SLC14A2: variants seen among roughly 807,000 people sequenced by gnomAD.
SLC14A2 encodes the protein solute carrier family 14 member 2.
SLC14A2 carries 91 observed loss-of-function variants against 104.6 expected under a neutral mutation model. The observed-to-expected ratio is 0.87, with a 90% CI of 0.73 to 1.04. The LOEUF (loss-of-function observed/expected upper bound fraction) is 1.04. Ranked by LOEUF, SLC14A2 falls within the 50% of genes least tolerant of loss-of-function variation. SLC14A2 has a pLI of 0.00. For missense variants in SLC14A2, 1,189 were observed against 1,156.0 expected (o/e 1.03, Z -0.41); for synonymous variants, 476 against 466.4 (o/e 1.02, Z -0.27).
chr18:45,448,767 C>T (rs1326445555), intron 1 of SLC14A2, among the ~76,000 whole-genome samples: 1 of 152,194 alleles, frequency 6.6e-6, no homozygotes, highest in African/African-American at 2.4e-5. Flanking sequence ...TAACTCCACT[C>T]CATGAAGAGA....
At chr18:45,517,687 G>A (rs551397227) in intron 2 of SLC14A2, among the ~76,000 whole-genome samples, 22 of 152,234 alleles carry the variant, frequency 1.4e-4, no homozygotes, top group Non-Finnish European at 3.1e-4. Context: ...TGTAAATCTT[G>A]GAACTCGAGG....
At chr18:45,314,251 G>A (rs1049428956) in intron 1 of SLC14A2, among the ~76,000 whole-genome samples, 1 of 152,042 alleles carries the variant, frequency 6.6e-6, no homozygotes, top group Non-Finnish European at 1.5e-5. Flanking sequence ...TAAAGCATAG[G>A]GTAGAGCAAC....
intron 1 of SLC14A2, among the ~76,000 whole-genome samples, chr18:45,344,870 C>A (rs985192502): frequency 6.6e-6 from 1 of 152,130 alleles, no homozygotes; most frequent in Non-Finnish European, 1.5e-5. Flanking sequence ...TTGATTGTTG[C>A]CCAGATATTT....
intron 1 of SLC14A2, among the ~76,000 whole-genome samples, chr18:45,275,240 C>CT (rs757993725): frequency 6.6e-6 from 1 of 152,132 alleles, no homozygotes; most frequent in Non-Finnish European, 1.5e-5. Flanking sequence ...GGAACAAATA[C>CT]TTCAAAATTT....
At position 45,669,434 on chromosome 18, in the gene SLC14A2, C is replaced by A. The variant is rs1460221126; in HGVS notation, c.2165C>A (p.Thr722Lys). The A allele has an allele frequency of 6.2e-7, 1 of 1,614,186 alleles. No individual in the cohort carries two copies. Among genetic ancestry groups the A allele is most frequent in the Non-Finnish European group, 8.5e-7 (1 of 1,180,016 alleles). ...GGCCACTACAACCTTTTCTTCCCCA[C>A]AACGCTGCTGCAGCCTGCATCCGCC... ...ATGHYNLFFP[T>K]TLLQPASAMP... Residue 722 changes from threonine to lysine, a missense_variant, in exon 16 of 20, where the codon ACA becomes AAA. Physicochemically the swap from Thr to Lys is moderately conservative, Grantham distance 78 (BLOSUM62 -1). Transcript: ENST00000255226.
chr18:45,207,604 T>C, the SLC14A2 span, among the ~76,000 whole-genome samples: 3 of 152,304 alleles, frequency 2.0e-5, no homozygotes, highest in East Asian at 5.8e-4. Flanking sequence ...TTAACTGGGT[T>C]GCTAACAACA....
chr18:45,460,156 C>T (rs986999973), intron 1 of SLC14A2, among the ~76,000 whole-genome samples: 1 of 152,160 alleles, frequency 6.6e-6, no homozygotes, highest in Non-Finnish European at 1.5e-5. Context: ...AGCATATTCC[C>T]ACCTGAAAGG....
chr18:45,553,845 T>C (rs2044089716), intron 2 of SLC14A2, among the ~76,000 whole-genome samples: 1 of 152,082 alleles, frequency 6.6e-6, no homozygotes. Context: ...CTTTCCCTCC[T>C]AAAGTCAGTC....
intron 2 of SLC14A2, among the ~76,000 whole-genome samples, chr18:45,518,161 A>G (rs909162081): frequency 3.3e-5 from 5 of 152,228 alleles, no homozygotes; most frequent in African/African-American, 1.2e-4. Flanking sequence ...AACAAAGCCT[A>G]CATCACACAG....
chr18:45,510,276 G>C (rs973540974), intron 2 of SLC14A2, among the ~76,000 whole-genome samples: 3 of 152,076 alleles, frequency 2.0e-5, no homozygotes, highest in Non-Finnish European at 4.4e-5. Flanking sequence ...ATGTGATAGG[G>C]GAGAAAAAAA....
intron 1 of SLC14A2, among the ~76,000 whole-genome samples, chr18:45,452,927 G>A (rs1481417423): frequency 6.6e-6 from 1 of 152,176 alleles, no homozygotes; most frequent in African/African-American, 2.4e-5. Context: ...CCTTTGTAGT[G>A]CTCAGGAGTG....
intron 1 of SLC14A2, among the ~76,000 whole-genome samples, chr18:45,279,271 T>C (rs1307572624): frequency 6.6e-6 from 1 of 152,260 alleles, no homozygotes; most frequent in Non-Finnish European, 1.5e-5. Context: ...CTGAAATTTA[T>C]GTACAATATT....
chr18:45,324,544 C>T (rs1003386939), intron 1 of SLC14A2, among the ~76,000 whole-genome samples: 3 of 152,076 alleles, frequency 2.0e-5, no homozygotes, highest in African/African-American at 7.2e-5. Flanking sequence ...GCTCCCCTTC[C>T]TCCCCCTCAC....
At chr18:45,524,661 T>A (rs922782782) in intron 2 of SLC14A2, among the ~76,000 whole-genome samples, 13 of 152,204 alleles carry the variant, frequency 8.5e-5, no homozygotes, top group African/African-American at 2.2e-4. Context: ...AGTTCAGGGC[T>A]CATTTAGAGA....
At chr18:45,430,966 T>C (rs2086505558) in intron 1 of SLC14A2, among the ~76,000 whole-genome samples, 1 of 152,164 alleles carries the variant, frequency 6.6e-6, no homozygotes, top group African/African-American at 2.4e-5. Context: ...CCTGGTTGGG[T>C]GCTGATGACT....
intron 1 of SLC14A2, among the ~76,000 whole-genome samples, chr18:45,441,836 G>T (rs190696596): frequency 6.6e-6 from 1 of 152,296 alleles, no homozygotes; most frequent in Admixed American, 6.5e-5. Context: ...CAGGGCTAAA[G>T]AAATGAAACG....
intron 1 of SLC14A2, among the ~76,000 whole-genome samples, chr18:45,268,454 G>T (rs1379147050): frequency 1.3e-5 from 2 of 152,196 alleles, no homozygotes; most frequent in Non-Finnish European, 2.9e-5. Context: ...TATGATCTAT[G>T]CAACCACCTT....
intron 2 of SLC14A2, among the ~76,000 whole-genome samples, chr18:45,602,467 C>T (rs1057008220): frequency 6.6e-6 from 1 of 152,196 alleles, no homozygotes; most frequent in Non-Finnish European, 1.5e-5. Flanking sequence ...ACTTCACCTA[C>T]TGTGTGGCTT....
intron 2 of SLC14A2, among the ~76,000 whole-genome samples, chr18:45,540,003 A>T (rs1395474952): frequency 1.3e-5 from 2 of 152,096 alleles, no homozygotes; most frequent in African/African-American, 4.8e-5. Context: ...GCAATAGGCA[A>T]CTCGTAAAAT....
Sources: gnomAD v4.1 joint callset for allele counts (sites outside exome capture counted in the v4.1 genomes callset) on GRCh38, gnomAD v4.1.1 for gene constraint, MANE v1.5 for transcripts, NCBI Gene and HGNC (gene_info 2026-07-23, HGNC 2026-07-21) for gene names.